The following DDX19B variants were observed in gnomAD, a reference collection of about 807,000 sequenced individuals.
DDX19B encodes the protein ATP-dependent RNA helicase DDX19B.
In DDX19B, 27 loss-of-function variants were observed where a neutral mutation model predicts 58.1. The observed-to-expected ratio is 0.46, with a 90% confidence interval of 0.34 to 0.64. DDX19B has a LOEUF of 0.64. Ranked by LOEUF, DDX19B falls within the 30% of genes least tolerant of loss-of-function variation. DDX19B has a pLI of 0.01. For missense variants in DDX19B, 399 were observed against 596.5 expected, an observed-to-expected ratio of 0.67 and a Z score of 3.45; for synonymous variants, 187 against 214.4, an observed-to-expected ratio of 0.87 and a Z score of 1.12.
At chr16:70,307,560 A>C (rs967149938) in intron 1 of DDX19B, among the ~76,000 whole-genome samples, 2 of 149,538 alleles carry the variant, frequency 1.3e-5, no homozygotes, top group Non-Finnish European at 3.0e-5. Context: ...ATGGGGTTTC[A>C]TCATGTTGCC....
intron 3 of DDX19B, 112 bp downstream of exon 3, chr16:70,315,067 C>A: frequency 8.8e-7 from 1 of 1,135,338 alleles, no homozygotes; most frequent in Non-Finnish European, 1.3e-6. Context: ...ATAGGCGATA[C>A]AGTGCTAGCA....
At chr16:70,324,362 CAAAAAAAAA>C (rs57977602) in intron 5 of DDX19B, among the ~76,000 whole-genome samples, 3 of 48,854 alleles carry the variant, frequency 6.1e-5, no homozygotes, top group Admixed American at 3.1e-4. Flanking sequence ...GACCTAATCT[CAAAAAAAAA>C]AAAAAAAAAA....
At position 70,313,142 on chromosome 16, in the gene DDX19B, CCGGGTAGCTGGGACTACAGG is replaced by C. The variant is rs559429780; in HGVS notation, c.106+487_106+506del. On this transcript the variant is annotated intron_variant, in intron 2 of 11. Coordinates refer to ENST00000288071, the MANE Select transcript of DDX19B (RefSeq NM_007242.7). ...CACACCATTCTCCTGCCTCAGCCTC[CCGGGTAGCTGGGACTACAGG>C]CACCTGCCACCACGCCTGGCTAATG... 6.8e-3 allele frequency among the ~76,000 whole-genome samples: 1,038 copies of C among 152,270 alleles called. 3 individuals carry two copies. The highest frequency in any genetic ancestry group is 0.01 in the Non-Finnish European group (705 of 68,028).
At chr16:70,333,269 T>C (rs1354839974) in intron 11 of DDX19B, 110 bp downstream of exon 11, 2 of 693,258 alleles carry the variant, frequency 2.9e-6, no homozygotes, top group African/African-American at 1.8e-5. Flanking sequence ...CCTAGCACAC[T>C]CCCCTCCTTT....
intron 1 of DDX19B, among the ~76,000 whole-genome samples, chr16:70,304,962 C>T (rs1407937898): frequency 1.3e-5 from 2 of 152,070 alleles, no homozygotes; most frequent in Admixed American, 6.6e-5. Context: ...CTTCTTCTCT[C>T]TGCTCAGTCT....
chr16:70,327,098 T>G (rs560811968), intron 7 of DDX19B, among the ~76,000 whole-genome samples: 1 of 151,932 alleles, frequency 6.6e-6, no homozygotes, highest in Non-Finnish European at 1.5e-5. Flanking sequence ...CCTCCCAAAG[T>G]GCTGGGATTA....
At chr16:70,333,499 G>C in intron 11 of DDX19B, 22 bp from the exon 12 acceptor site, 1 of 1,614,052 alleles carries the variant, frequency 6.2e-7, no homozygotes, top group Non-Finnish European at 8.5e-7. Context: ...GCAGGGTAGA[G>C]ACCTGTGTAT....
chr16:70,330,908 G>A (rs553851935), intron 9 of DDX19B, among the ~76,000 whole-genome samples: 1 of 151,988 alleles, frequency 6.6e-6, no homozygotes, highest in Admixed American at 6.6e-5. Context: ...AGCCAGGCGT[G>A]GTGGTGCATG....
rs1407828999 is a variant in DDX19B, at chr16:70,335,293, CTT to C, written c.*1713_*1714del. On this transcript the variant is annotated 3_prime_UTR_variant, in exon 12 of 12. Transcript: ENST00000288071. ...GGCAATAATTAAAGAAGTATAGACT[CTT>C]TAGTAGGCCACAGGCAGAGCAGACT... The C allele has an allele frequency of 6.6e-6, 1 of 152,184 alleles. No homozygotes were observed. The highest frequency in any genetic ancestry group is 1.5e-5 in the Non-Finnish European group (1 of 68,050). 9.4% of individuals were successfully genotyped at this position (152,184 alleles called of 1,614,324 possible).
intron 1 of DDX19B, among the ~76,000 whole-genome samples, chr16:70,300,902 T>G (rs1386643925): frequency 6.6e-6 from 1 of 152,180 alleles, no homozygotes; most frequent in African/African-American, 2.4e-5. Flanking sequence ...TTTTTTTTTC[T>G]TAATTATCAA....
upstream of DDX19B, chr16:70,290,044 T>A (rs1352336004): frequency 3.6e-6 from 1 of 277,284 alleles, no homozygotes; most frequent in East Asian, 9.5e-5. Context: ...TCGATTTGCC[T>A]TTGGAAAAAA....
intron 10 of DDX19B, among the ~76,000 whole-genome samples, chr16:70,332,570 G>A (rs1448265318): frequency 6.6e-6 from 1 of 152,048 alleles, no homozygotes; most frequent in African/African-American, 2.4e-5. Context: ...CAAAGTGCTG[G>A]GATTACCGGT....
intron 4 of DDX19B, among the ~76,000 whole-genome samples, chr16:70,316,673 T>C (rs371718300): frequency 1.3e-5 from 2 of 152,124 alleles, no homozygotes; most frequent in Non-Finnish European, 2.9e-5. Context: ...ACATAAATAC[T>C]GTAGATGCTT....
chr16:70,312,256 T>TC (rs748838949), intron 1 of DDX19B, among the ~76,000 whole-genome samples: 2 of 151,958 alleles, frequency 1.3e-5, no homozygotes. Flanking sequence ...ATGCAGCGAT[T>TC]CCCCCCCACA....
At chr16:70,315,593 C>T (rs1384257880) in intron 3 of DDX19B, 1 of 161,484 alleles carries the variant, frequency 6.2e-6, no homozygotes, top group Non-Finnish European at 1.3e-5. Flanking sequence ...CCAACTTGTC[C>T]AATATTAAGG....
upstream of DDX19B, among the ~76,000 whole-genome samples, chr16:70,292,160 T>C (rs113205551): frequency 6.6e-6 from 1 of 151,838 alleles, no homozygotes; most frequent in Non-Finnish European, 1.5e-5. Flanking sequence ...CTCTCTCTCT[T>C]TTTTTTTCCT....
chr16:70,308,457 G>A (rs1239483220), intron 1 of DDX19B, among the ~76,000 whole-genome samples: 2 of 151,310 alleles, frequency 1.3e-5, no homozygotes, highest in African/African-American at 2.4e-5. Flanking sequence ...GGCTGGTCTC[G>A]AACTCCTGAC....
At chr16:70,320,782 C>T (rs1962742393) in intron 5 of DDX19B, among the ~76,000 whole-genome samples, 1 of 151,328 alleles carries the variant, frequency 6.6e-6, no homozygotes, top group East Asian at 2.0e-4. Context: ...TGGTCTTGAA[C>T]TCCTGACCTC....
rs371206714 is a variant in DDX19B, at chr16:70,329,753, C to A, written c.786-78C>A. ...CCATCAGCCTTCCTGGGCATCTAGA[C>A]CCTCCCAGCTGGGAAGGCTGTGCTT... On this transcript the variant is annotated intron_variant, in intron 8 of 11. Transcript: ENST00000288071. 3.4e-5 allele frequency: 54 copies of A among 1,582,636 alleles called. No homozygotes were observed. In the African/African-American group the frequency reaches 6.3e-4, roughly 19 times the overall value.
Sources: allele counts gnomAD v4.1 joint callset (sites outside exome capture counted in the v4.1 genomes callset), GRCh38; gene constraint gnomAD v4.1.1; transcripts MANE v1.5; gene names NCBI Gene and HGNC (gene_info 2026-07-23, HGNC 2026-07-21).